Variants in MTMR2 observed in about 807,000 individuals in gnomAD.
The protein encoded by MTMR2 is myotubularin related protein 2, also known as phosphatidylinositol-3,5-bisphosphate 3-phosphatase MTMR2.
Under a neutral mutation model 86.9 loss-of-function variants are expected in MTMR2, and 55 were observed. The observed-to-expected ratio is 0.63, with a 90% CI of 0.51 to 0.79. The LOEUF (loss-of-function observed/expected upper bound fraction) is 0.79. Ranked by LOEUF, MTMR2 falls within the 30% of genes least tolerant of loss-of-function variation. MTMR2 has a pLI of 0.00. For missense variants in MTMR2, 659 were observed against 772.3 expected, an observed-to-expected ratio of 0.85 and a Z score of 1.74; for synonymous variants, 241 against 266.8, an observed-to-expected ratio of 0.90 and a Z score of 0.94.
intron 1 of MTMR2, among the ~76,000 whole-genome samples, chr11:95,895,635 C>A (rs1282451153): frequency 6.6e-6 from 1 of 152,038 alleles, no homozygotes; most frequent in African/African-American, 2.4e-5. Flanking sequence ...ATAATCAGAA[C>A]ACTCAGGCAC....
Position 95,849,650 on chromosome 11 carries a change from AT to A in MTMR2, c.993+23del, listed in dbSNP as rs1247551427. 12 of 1,607,384 alleles carry A rather than the reference AT, an allele frequency of 7.5e-6. No homozygotes were observed. In the African/African-American group the frequency reaches 1.6e-4, roughly 21 times the overall value. ...TCAGCTGATTCATGAAACCATAATTATAATTACTAAGAGACCATCTGACCTT... is the reference window on the plus strand; with the variant it reads ...TCAGCTGATTCATGAAACCATAATTAAATTACTAAGAGACCATCTGACCTT... On this transcript the variant is annotated intron_variant, in intron 9 of 14. Coordinates refer to ENST00000346299, the MANE Select transcript of MTMR2 (RefSeq NM_016156.6).
At chr11:95,857,402 A>G (rs1209083051) in intron 7 of MTMR2, 150 bp downstream of exon 7, 4 of 666,646 alleles carry the variant, frequency 6.0e-6, no homozygotes, top group Admixed American at 5.0e-5. Flanking sequence ...ATACTAAAAC[A>G]GATTTCAAGA....
At chr11:95,865,704 CA>C (rs1363386882) in intron 2 of MTMR2, 28 bp from the exon 3 acceptor site, 1 of 1,565,820 alleles carries the variant, frequency 6.4e-7, no homozygotes. Flanking sequence ...AAAAAAGAAA[CA>C]TTTTTTTATT....
chr11:95,853,147 T>C (rs1365081691), intron 7 of MTMR2, among the ~76,000 whole-genome samples: 1 of 150,246 alleles, frequency 6.7e-6, no homozygotes, highest in South Asian at 2.1e-4. Flanking sequence ...TATACTTATA[T>C]ATTTTTTTCA....
chr11:95,921,491 T>C (rs918392198), intron 1 of MTMR2, among the ~76,000 whole-genome samples: 5 of 152,206 alleles, frequency 3.3e-5, no homozygotes, highest in Non-Finnish European at 5.9e-5. Flanking sequence ...AACATAGCTA[T>C]GAGACCAAAG....
intron 3 of MTMR2, among the ~76,000 whole-genome samples, chr11:95,865,188 G>T (rs982027725): frequency 2.0e-5 from 3 of 152,224 alleles, no homozygotes; most frequent in Non-Finnish European, 4.4e-5. Flanking sequence ...GAAGCAAACA[G>T]AAGAGAAGAT....
chr11:95,902,203 T>C (rs1866099304), intron 1 of MTMR2, among the ~76,000 whole-genome samples: 2 of 152,156 alleles, frequency 1.3e-5, no homozygotes, highest in African/African-American at 4.8e-5. Flanking sequence ...CGATGGTATA[T>C]CATATAATTG....
chr11:95,886,580 G>A (rs1354490566), intron 2 of MTMR2, among the ~76,000 whole-genome samples: 1 of 152,224 alleles, frequency 6.6e-6, no homozygotes, highest in African/African-American at 2.4e-5. Flanking sequence ...GAGTTAAGTA[G>A]TTTAAACTAA....
At chr11:95,893,171 G>T (rs1402241024) in intron 1 of MTMR2, among the ~76,000 whole-genome samples, 1 of 151,890 alleles carries the variant, frequency 6.6e-6, no homozygotes, top group Non-Finnish European at 1.5e-5. Flanking sequence ...CATCATTATG[G>T]GAATTTTATT....
intron 1 of MTMR2, among the ~76,000 whole-genome samples, chr11:95,902,818 G>A (rs1866121334): frequency 6.6e-6 from 1 of 152,068 alleles, no homozygotes; most frequent in Non-Finnish European, 1.5e-5. Flanking sequence ...ACTGGGCCTT[G>A]TCCCTCACTG....
chr11:95,881,779 T>G (rs1865331570), intron 2 of MTMR2, among the ~76,000 whole-genome samples: 1 of 152,182 alleles, frequency 6.6e-6, no homozygotes, highest in African/African-American at 2.4e-5. Flanking sequence ...TAATGAAAGT[T>G]TTGTTTATTC....
intron 1 of MTMR2, chr11:95,923,664 A>G: frequency 7.0e-7 from 1 of 1,421,202 alleles, no homozygotes; most frequent in Non-Finnish European, 9.2e-7. Context: ...AAGGTAGAGG[A>G]ATCGATAAAG....
At chr11:95,900,627 AT>A (rs67412882) in intron 1 of MTMR2, among the ~76,000 whole-genome samples, 42,805 of 147,474 alleles carry the variant, frequency 0.29, 7,208 homozygotes, top group Non-Finnish European at 0.39. Context: ...TGTAGATAAC[AT>A]TTTTTTTTTT....
chr11:95,845,909 A>G (rs1479565164), intron 10 of MTMR2, among the ~76,000 whole-genome samples: 1 of 151,136 alleles, frequency 6.6e-6, no homozygotes, highest in Non-Finnish European at 1.5e-5. Flanking sequence ...AAAAAGGACA[A>G]TACAGCCCTA....
chr11:95,918,226 C>G (rs934161668), intron 1 of MTMR2, among the ~76,000 whole-genome samples: 1 of 152,202 alleles, frequency 6.6e-6, no homozygotes, highest in African/African-American at 2.4e-5. Context: ...ACTTCAGCAT[C>G]CATCGGGATC....
intron 1 of MTMR2, among the ~76,000 whole-genome samples, chr11:95,901,796 A>G (rs1367700811): frequency 6.6e-6 from 1 of 152,232 alleles, no homozygotes; most frequent in African/African-American, 2.4e-5. Flanking sequence ...CCAATAAGGG[A>G]ATGCTCCTTG....
chr11:95,923,200 C>A (rs10765776), intron 1 of MTMR2, among the ~76,000 whole-genome samples: 52,238 of 151,752 alleles, frequency 0.34, 9,361 homozygotes, highest in Non-Finnish European at 0.39. Context: ...AACCAGTAGC[C>A]CAAGAAGGAA....
intron 1 of MTMR2, among the ~76,000 whole-genome samples, chr11:95,898,893 G>A (rs1258800106): frequency 6.6e-6 from 1 of 152,118 alleles, no homozygotes; most frequent in African/African-American, 2.4e-5. Context: ...AAAGGACAAA[G>A]TAGGAAATTC....
chr11:95,868,693 G>C (rs1864731484), intron 2 of MTMR2, among the ~76,000 whole-genome samples: 1 of 151,962 alleles, frequency 6.6e-6, no homozygotes, highest in Admixed American at 6.5e-5. Flanking sequence ...GACATACCTA[G>C]TTGCATCTTG....
Sources: gnomAD v4.1 joint callset for allele counts (sites outside exome capture counted in the v4.1 genomes callset) on GRCh38, gnomAD v4.1.1 for gene constraint, MANE v1.5 for transcripts, NCBI Gene and HGNC (gene_info 2026-07-23, HGNC 2026-07-21) for gene names.